The following EIF2AK3 variants were observed in gnomAD, a reference collection of about 807,000 sequenced individuals.
EIF2AK3 encodes eukaryotic translation initiation factor 2 alpha kinase 3, also known as eukaryotic translation initiation factor 2-alpha kinase 3.
A neutral mutation model predicts 113.5 loss-of-function variants in EIF2AK3; 50 were observed. The ratio of observed to expected loss-of-function variants is 0.44; its 90% CI spans 0.35 to 0.56. The LOEUF is 0.56. Ranked by LOEUF, EIF2AK3 falls within the 20% of genes least tolerant of loss-of-function variation. The pLI is 0.00. For missense variants in EIF2AK3, 1,185 were observed against 1,378.0 expected (o/e 0.86, Z 2.22); for synonymous variants, 448 against 495.4 (o/e 0.90, Z 1.27).
intron 6 of EIF2AK3, among the ~76,000 whole-genome samples, chr2:88,589,396 T>A (rs991919641): frequency 6.6e-6 from 1 of 152,156 alleles, no homozygotes; most frequent in Admixed American, 6.5e-5. Context: ...TATTTGATGA[T>A]GCAGACTAGT....
chr2:88,574,560 T>G, intron 13 of EIF2AK3, 106 bp downstream of exon 13: 1 of 1,384,768 alleles, frequency 7.2e-7, no homozygotes, highest in Non-Finnish European at 1.0e-6. Context: ...CTCAGATGCT[T>G]TTACTCTCCC....
rs1232776381 is a variant in EIF2AK3, at chr2:88,627,241, G to A, written c.34C>T (p.Arg12Trp). 2.0e-6 allele frequency: 3 copies of A among 1,481,780 alleles called. No homozygotes were observed. Among genetic ancestry groups the A allele is most frequent in the South Asian group, 1.3e-5 (1 of 79,102 alleles). The allele number at this position is 1,481,780 out of a possible 1,614,324, so 91.8% of individuals were successfully genotyped here. A position where few individuals can be genotyped will look rare whatever the true frequency, so the allele number is the denominator to read the frequency against. ...AGCAGCAGCAGCAGCAGCAGCGCCC[G>A]TACCAGCAGCCCCGGGCTGATGGCG... Reference protein sequence around the residue: ...ERAISPGLLVRALLLLLLLLG... With the variant: ...ERAISPGLLVWALLLLLLLLG... The change falls in exon 1 of 17, where the codon CGG (arginine) becomes TGG (tryptophan). Residue 12 changes from arginine to tryptophan, a missense_variant. Arg to Trp is a moderately radical substitution (Grantham distance 101, BLOSUM62 -3). Transcript: ENST00000303236.
chr2:88,613,877 A>G, intron 1 of EIF2AK3, 24 bp from the exon 2 acceptor site: 1 of 1,586,752 alleles, frequency 6.3e-7, no homozygotes. Context: ...AAATATTTTT[A>G]AAATTAACAG....
chr2:88,608,924 G>C (rs1043706890), intron 2 of EIF2AK3, among the ~76,000 whole-genome samples: 1 of 150,382 alleles, frequency 6.6e-6, no homozygotes, highest in African/African-American at 2.4e-5. Flanking sequence ...TGTAGAGATG[G>C]GGTTTTGCCA....
rs143881202 is a variant in EIF2AK3 at position 88,571,916 on chromosome 2, C to T, written c.2818-875G>A. On this transcript the variant is annotated intron_variant, in intron 13 of 16. Transcript: ENST00000303236. ...AGAGGTCTCATGGGCTTCTCAAACC[C>T]AAGGTGCCCTACATGAAATACATCA... 1.2e-3 allele frequency among the ~76,000 whole-genome samples: 176 copies of T among 152,240 alleles called. 1 individual carries two copies. Among genetic ancestry groups the T allele is most frequent in the African/African-American group, 4.0e-3 (166 of 41,540 alleles).
At chr2:88,624,318 G>A (rs928707572) in intron 1 of EIF2AK3, among the ~76,000 whole-genome samples, 8 of 152,092 alleles carry the variant, frequency 5.3e-5, no homozygotes, top group Admixed American at 2.6e-4. Context: ...TATCTACACA[G>A]GCTCCCTCTT....
chr2:88,588,564 C>A (rs1674797763), intron 7 of EIF2AK3, among the ~76,000 whole-genome samples, 197 bp downstream of exon 7: 1 of 152,110 alleles, frequency 6.6e-6, no homozygotes. Context: ...TTAGAAGCAA[C>A]TGCTGCTTCC....
upstream of EIF2AK3, chr2:88,627,840 C>T (rs1389158679): frequency 1.3e-5 from 2 of 152,522 alleles, no homozygotes; most frequent in East Asian, 3.9e-4. Flanking sequence ...CGCTAACTGC[C>T]TCTTGATTGG....
chr2:88,575,271 A>G lies in EIF2AK3; in HGVS notation c.2212T>C (p.Phe738Leu). The G allele has an allele frequency of 6.2e-7, 1 of 1,614,182 alleles. No individual in the cohort carries two copies. Among genetic ancestry groups the G allele is most frequent in the South Asian group, 1.1e-5 (1 of 91,086 alleles). ...CDQTSSSESQ[F>L]SPLEFSGMDH... ...ATTCCTGAGAATTCCAGTGGTGAGAACTGGCTCTCAGATGAACTTGTCTGG... is the reference window on the plus strand; with the variant it reads ...ATTCCTGAGAATTCCAGTGGTGAGAGCTGGCTCTCAGATGAACTTGTCTGG... Residue 738 changes from phenylalanine to leucine, a missense_variant, in exon 13 of 17, where the codon TTC (phenylalanine) becomes CTC (leucine). Around this residue, in one of 3 missense-constraint regions of EIF2AK3, gnomAD observed 877 missense variants for 1,024.2 expected, o/e 0.86. Transcript: ENST00000303236.
At chr2:88,625,396 A>G (rs1675836161) in intron 1 of EIF2AK3, among the ~76,000 whole-genome samples, 1 of 151,866 alleles carries the variant, frequency 6.6e-6, no homozygotes, top group Non-Finnish European at 1.5e-5. Context: ...TGTTTCCTCA[A>G]GTCCAGTGAC....
chr2:88,574,346 A>G (rs1292552197), intron 13 of EIF2AK3, among the ~76,000 whole-genome samples: 3 of 152,178 alleles, frequency 2.0e-5, no homozygotes, highest in Non-Finnish European at 4.4e-5. Context: ...AAAACAGGCT[A>G]TATCTGCTCA....
At position 88,583,462 on chromosome 2, in the gene EIF2AK3, C is replaced by T. The variant is rs781244752; in HGVS notation, c.1731G>A (p.Trp577Ter). ...SVSGEANDSS[W>*]NDIKNSGYIS... ...TATATCCAGAGTTTTTTATGTCATT[C>T]CAGCTACTGTCATTGGCTTCACCAC... Residue 577 changes from tryptophan to a stop codon, truncating the protein, a stop_gained, in exon 10 of 17, where the codon TGG (tryptophan) becomes TGA (stop). Transcript: ENST00000303236. LOFTEE classifies it high-confidence loss of function. 2.5e-6 allele frequency: 4 copies of T among 1,612,984 alleles called. No homozygotes were observed. The highest frequency in any genetic ancestry group is 3.4e-6 in the Non-Finnish European group (4 of 1,179,532).
At chr2:88,604,925 A>AT (rs1273839986) in intron 2 of EIF2AK3, among the ~76,000 whole-genome samples, 2 of 152,260 alleles carry the variant, frequency 1.3e-5, no homozygotes, top group Admixed American at 6.5e-5. Flanking sequence ...AGAGGGAAAG[A>AT]TGTAAGTACA....
rs1432867954 is a variant in EIF2AK3 at position 88,627,232 on chromosome 2, GC to G, written c.42del (p.Leu15CysfsTer56). 6.8e-7 allele frequency: 1 copy of G among 1,479,508 alleles called. No homozygotes were observed. Among genetic ancestry groups the G allele is most frequent in the Admixed American group, 2.3e-5 (1 of 43,738 alleles). The allele number at this position is 1,479,508 out of a possible 1,614,324, so 91.6% of individuals were successfully genotyped here. A position where few individuals can be genotyped will look rare whatever the true frequency, so the allele number is the denominator to read the frequency against. The stretch of plus-strand genomic sequence containing the variant: ...AGCCCCAGCAGCAGCAGCAGCAGCA[GC>G]AGCGCCCGTACCAGCAGCCCCGGGC... ...AISPGLLVRA[L>X]LLLLLLLGLA... On this transcript the variant is annotated frameshift_variant, in exon 1 of 17. Transcript: ENST00000303236. LOFTEE classifies it high-confidence loss of function.
intron 1 of EIF2AK3, among the ~76,000 whole-genome samples, chr2:88,617,890 C>A (rs1446030426): frequency 6.6e-6 from 1 of 152,158 alleles, no homozygotes; most frequent in Non-Finnish European, 1.5e-5. Flanking sequence ...GCATTTAGAA[C>A]AAACACAGCC....
At chr2:88,613,648 GC>G in intron 2 of EIF2AK3, 75 bp downstream of exon 2, 2 of 1,547,790 alleles carry the variant, frequency 1.3e-6, no homozygotes, top group South Asian at 1.1e-5. Context: ...GGGCAATAGG[GC>G]CCCAAACTTC....
intron 1 of EIF2AK3, among the ~76,000 whole-genome samples, chr2:88,620,252 G>A (rs1424281297): frequency 4.6e-5 from 7 of 151,930 alleles, no homozygotes. Context: ...TCTTGTACCA[G>A]CCCAACCCTC....
In EIF2AK3 at chr2:88,575,112, C is replaced by T. The variant is rs976895681; in HGVS notation, c.2371G>A (p.Glu791Lys). ...CTTGACCTTACATAAGGAGAAGCTT[C>T]AGAAGGACAAAGTTCAAAGGAGTGC... ...EGHSFELCPS[E>K]ASPYVRSRER... is the part of the protein sequence containing the mutation. The change falls in exon 13 of 17, where the codon GAA becomes AAA. Residue 791 changes from glutamate to lysine, a missense_variant. Glu to Lys is a moderately conservative substitution (Grantham distance 56). Around this residue, in one of 3 missense-constraint regions of EIF2AK3, gnomAD observed 877 missense variants for 1,024.2 expected, o/e 0.86. Coordinates refer to ENST00000303236, the MANE Select transcript of EIF2AK3 (RefSeq NM_004836.7). 7.4e-6 allele frequency: 12 copies of T among 1,614,196 alleles called. No individual in the cohort carries two copies. Among genetic ancestry groups the T allele is most frequent in the Non-Finnish European group, 1.0e-5 (12 of 1,180,020 alleles).
intron 11 of EIF2AK3, among the ~76,000 whole-genome samples, chr2:88,577,516 C>T (rs1674492290): frequency 6.7e-6 from 1 of 149,788 alleles, no homozygotes; most frequent in African/African-American, 2.5e-5. Context: ...CGCTGGAGTA[C>T]AGTGATGCGA....
Sources: gnomAD v4.1 joint callset for allele counts (sites outside exome capture counted in the v4.1 genomes callset) on GRCh38, gnomAD v4.1.1 for gene constraint, gnomAD v4.1.1 regional missense constraint, MANE v1.5 for transcripts, NCBI Gene and HGNC (gene_info 2026-07-23, HGNC 2026-07-21) for gene names.